The following NSD2 variants were observed in gnomAD, a reference collection of about 807,000 sequenced individuals.
NSD2 encodes the protein nuclear receptor binding SET domain protein 2, also known as histone-lysine N-methyltransferase NSD2.
A neutral mutation model predicts 139.0 loss-of-function variants in NSD2; 12 were observed. The observed-to-expected ratio is 0.09, with a 90% CI of 0.06 to 0.14. The LOEUF is 0.14. NSD2 is among the 10% of genes least tolerant of loss of function. The probability of loss-of-function intolerance (pLI) is 1.00; values close to 1 mark genes in which losing one functional copy is unlikely to be tolerated. For synonymous variants in NSD2, 669 were observed against 648.7 expected, an observed-to-expected ratio of 1.03 and a Z score of -0.48; for missense variants, 1,155 against 1,745.0, an observed-to-expected ratio of 0.66 and a Z score of 6.02.
At position 1,955,471 on chromosome 4, in the gene NSD2, A is replaced by G. The variant is rs1290490817; in HGVS notation, c.2518+131A>G. ...GTGTTCTGTGCGTCTTCACGTTAATAGTATATCACAGTAGCTCTAAATTAA... is the reference window on the plus strand; with the variant it reads ...GTGTTCTGTGCGTCTTCACGTTAATGGTATATCACAGTAGCTCTAAATTAA... On this transcript the variant is annotated intron_variant, in intron 13 of 21. Transcript: ENST00000508803. The surrounding 1 kb of genome is among the most constrained non-coding windows in gnomAD (Gnocchi z 4.7). 5 of 1,251,942 alleles carry G rather than the reference A, an allele frequency of 4.0e-6. No individual in the cohort carries two copies. The highest frequency in any genetic ancestry group is 5.6e-5 in the Admixed American group (2 of 35,416). The allele number at this position is 1,251,942 out of a possible 1,614,324, so 77.6% of individuals were successfully genotyped here. A position where few individuals can be genotyped will look rare whatever the true frequency, so the allele number is the denominator to read the frequency against.
chr4:1,941,871 A>T, intron 9 of NSD2: 1 of 1,061,110 alleles, frequency 9.4e-7, no homozygotes, highest in Non-Finnish European at 1.1e-6. Flanking sequence ...GATGTTTCCA[A>T]TGCTGAATGC....
At chr4:1,945,884 C>A in intron 9 of NSD2, 1 of 1,059,840 alleles carries the variant, frequency 9.4e-7, no homozygotes, top group Non-Finnish European at 1.1e-6. Flanking sequence ...CAACTTGCTT[C>A]ATTTCTTTTT....
At chr4:1,922,956 G>C (rs2108821747) in intron 5 of NSD2, among the ~76,000 whole-genome samples, 1 of 152,142 alleles carries the variant, frequency 6.6e-6, no homozygotes, top group East Asian at 1.9e-4. Flanking sequence ...ATTCACGCAG[G>C]GCAGTGATAT....
chr4:1,978,611 G>A (rs1346690956), intron 21 of NSD2, 27 bp from the exon 22 acceptor site: 6 of 1,581,282 alleles, frequency 3.8e-6, no homozygotes, highest in African/African-American at 1.3e-5. Context: ...TCACTTCTGT[G>A]TGCTCACATC....
chr4:1,910,088 A>G (rs1043402984), intron 3 of NSD2, among the ~76,000 whole-genome samples: 6 of 152,218 alleles, frequency 3.9e-5, no homozygotes, highest in Admixed American at 3.9e-4. Context: ...AGCTCAATCT[A>G]GATTCTTTTG....
chr4:1,932,368 G>A (rs1394222562), intron 6 of NSD2, among the ~76,000 whole-genome samples: 3 of 150,446 alleles, frequency 2.0e-5, no homozygotes, highest in Non-Finnish European at 4.4e-5. Context: ...GAACCCGGGA[G>A]GCAGAGGTTG....
At chr4:1,975,785 G>A (rs549547075) in intron 20 of NSD2, 6 of 219,994 alleles carry the variant, frequency 2.7e-5, no homozygotes, top group African/African-American at 6.9e-5. Flanking sequence ...TTCTCCCTGC[G>A]AACATGACTG....
In NSD2 at chr4:1,900,729, A is replaced by G. The variant is rs766410762; in HGVS notation, c.75A>G (p.Pro25=). Residue 25 remains proline, a synonymous_variant, in exon 2 of 22, where the codon CCA becomes CCG. Coordinates refer to ENST00000508803, the MANE Select transcript of NSD2 (RefSeq NM_001042424.3). The part of the protein sequence containing the change: ...VVKCIKMKQA[P]EILGSANGKT... ...AGTGCATAAAGATGAAGCAGGCACC[A>G]GAAATCCTCGGCAGTGCCAACGGGA... The G allele has an allele frequency of 5.0e-6, 8 of 1,613,968 alleles. No homozygotes were observed. Among genetic ancestry groups the G allele is most frequent in the African/African-American group, 2.7e-5 (2 of 74,920 alleles).
chr4:1,907,793 A>G (rs1718130177), intron 3 of NSD2, among the ~76,000 whole-genome samples: 1 of 151,918 alleles, frequency 6.6e-6, no homozygotes, highest in African/African-American at 2.4e-5. Context: ...TTGTATTTTT[A>G]GTACAAATGG....
chr4:1,893,560 GTT>G (rs1715833262), intron 1 of NSD2, among the ~76,000 whole-genome samples: 4 of 64,856 alleles, frequency 6.2e-5, no homozygotes, highest in Non-Finnish European at 1.1e-4. Flanking sequence ...TTTTTTTTTT[GTT>G]TTGTTTTGAG....
chr4:1,944,436 T>C, intron 9 of NSD2: 3 of 1,065,094 alleles, frequency 2.8e-6, no homozygotes, highest in African/African-American at 1.6e-5. Context: ...GAATTGCCGG[T>C]TGTTGAGGTG....
At chr4:1,918,065 A>T in intron 4 of NSD2, 76 bp from the exon 5 acceptor site, 1 of 1,514,870 alleles carries the variant, frequency 6.6e-7, no homozygotes, top group Non-Finnish European at 8.9e-7. Flanking sequence ...ATAGGCATGA[A>T]TCATGTGCCT....
At chr4:1,977,881 T>G (rs1727271889) in intron 21 of NSD2, among the ~76,000 whole-genome samples, 1 of 151,164 alleles carries the variant, frequency 6.6e-6, no homozygotes. Context: ...ATCCCAGCAC[T>G]TCTGAGAGGC....
chr4:1,954,783 G>A (rs184127476), intron 12 of NSD2: 32 of 176,234 alleles, frequency 1.8e-4, no homozygotes, highest in Admixed American at 2.9e-4. Context: ...GACACCAGTG[G>A]TTCTTTATCG....
intron 3 of NSD2, among the ~76,000 whole-genome samples, chr4:1,914,411 C>T (rs994690019): frequency 4.6e-5 from 7 of 150,540 alleles, no homozygotes; most frequent in African/African-American, 7.4e-5. Context: ...TTGCAGTCTC[C>T]ACCTCCTGGG....
At chr4:1,946,774 C>G in intron 9 of NSD2, 1 of 1,050,380 alleles carries the variant, frequency 9.5e-7, no homozygotes, top group Non-Finnish European at 1.1e-6. Context: ...GATTCCTATA[C>G]TGGATGAGCA....
chr4:1,941,339 A>G (rs1469627002), intron 9 of NSD2: 27 of 1,052,690 alleles, frequency 2.6e-5, no homozygotes, highest in Admixed American at 5.5e-5. Context: ...TGTCAGGTAC[A>G]GTAGAGAGAA....
At chr4:1,941,403 C>T (rs1034992666) in intron 9 of NSD2, 2 of 1,049,256 alleles carry the variant, frequency 1.9e-6, no homozygotes, top group African/African-American at 1.7e-5. Flanking sequence ...TCATGTATAT[C>T]GAAGGCTTTG....
intron 1 of NSD2, among the ~76,000 whole-genome samples, chr4:1,891,176 G>A (rs936114354): frequency 1.3e-5 from 2 of 152,174 alleles, no homozygotes; most frequent in African/African-American, 2.4e-5. Flanking sequence ...TTACAGGTGT[G>A]AGCCACTGTG....
Sources: gnomAD v4.1 joint callset for allele counts (sites outside exome capture counted in the v4.1 genomes callset) on GRCh38, gnomAD v4.1.1 for gene constraint, Gnocchi (gnomAD v3.1) non-coding constraint, MANE v1.5 for transcripts, NCBI Gene and HGNC (gene_info 2026-07-23, HGNC 2026-07-21) for gene names.